USH2A: variants seen among roughly 807,000 people sequenced by gnomAD.
USH2A encodes the protein usherin.
USH2A carries 443 observed loss-of-function variants against 538.9 expected under a neutral mutation model. The ratio of observed to expected loss-of-function variants is 0.82; its 90% CI spans 0.76 to 0.89. The LOEUF is 0.89. Among genes scored for constraint, USH2A ranks in the 40% least tolerant of loss-of-function variants. The pLI, the probability that USH2A is intolerant of heterozygous loss-of-function variation, is 0.00. For missense variants in USH2A, 6,633 were observed against 6,324.8 expected, an observed-to-expected ratio of 1.05 and a Z score of -1.65; for synonymous variants, 2,413 against 2,273.5, an observed-to-expected ratio of 1.06 and a Z score of -1.75.
chr1:216,147,883 C>T (rs1486601025), intron 21 of USH2A, among the ~76,000 whole-genome samples: 54 of 146,586 alleles, frequency 3.7e-4, no homozygotes, highest in African/African-American at 1.1e-3. Context: ...CCTCCTAAGC[C>T]GCGTCCCATC....
chr1:216,084,631 G>T, intron 25 of USH2A, 67 bp downstream of exon 25: 1 of 1,560,448 alleles, frequency 6.4e-7, no homozygotes, highest in Non-Finnish European at 8.8e-7. Flanking sequence ...AAACAGGAGA[G>T]ATTAAATTAT....
At chr1:215,699,231 A>C (rs565096585) in intron 61 of USH2A, among the ~76,000 whole-genome samples, 2 of 152,258 alleles carry the variant, frequency 1.3e-5, no homozygotes, top group South Asian at 4.1e-4. Context: ...GCCTTGTAGT[A>C]TAGTTTGAAG....
Position 215,856,650 on chromosome 1 carries a change from G to T in USH2A, c.8845+10357C>A, listed in dbSNP as rs1428692081. Among the ~76,000 whole-genome samples the T allele has an allele frequency of 2.0e-5, 3 of 152,084 alleles. No individual in the cohort carries two copies. The East Asian group carries it at 5.8e-4, about 29-fold the overall frequency. On this transcript the variant is annotated intron_variant, in intron 44 of 71. Transcript: ENST00000307340. ...AAAAATAGTGTGGAGATTCCTTAAA[G>T]AACTAAAAGTAGATTTACCATTTGA...
At position 216,247,243 on chromosome 1, in the gene USH2A, T is replaced by A; in HGVS notation, c.2168-17A>T. On this transcript the variant is annotated splice_polypyrimidine_tract_variant and intron_variant, in intron 12 of 71. Coordinates refer to ENST00000307340, the MANE Select transcript of USH2A (RefSeq NM_206933.4). ...ACCTAAGCCCTAAAGATAAAATATA[T>A]TTAAAAGGTGAGGATGGGAAAATGA... The A allele has an allele frequency of 6.2e-7, 1 of 1,613,212 alleles. No homozygotes were observed. Among genetic ancestry groups the A allele is most frequent in the Non-Finnish European group, 8.5e-7 (1 of 1,179,626 alleles).
At chr1:215,644,176 T>C (rs763375849) in intron 67 of USH2A, among the ~76,000 whole-genome samples, 5 of 152,150 alleles carry the variant, frequency 3.3e-5, no homozygotes, top group African/African-American at 7.2e-5. Flanking sequence ...ACAACATTGA[T>C]TGGAATCTAA....
At chr1:215,979,740 A>T (rs2102465692) in intron 35 of USH2A, among the ~76,000 whole-genome samples, 1 of 152,222 alleles carries the variant, frequency 6.6e-6, no homozygotes, top group African/African-American at 2.4e-5. Flanking sequence ...TAGGGATGGA[A>T]TGTGTTAGAT....
intron 11 of USH2A, among the ~76,000 whole-genome samples, chr1:216,256,960 C>T (rs1479649133): frequency 1.3e-5 from 2 of 151,716 alleles, no homozygotes; most frequent in Non-Finnish European, 1.5e-5. Context: ...TTCCTTTTCC[C>T]CCTCTTAATT....
Position 215,647,688 on chromosome 1 carries a change from G to A in USH2A, c.14625C>T (p.Ala4875=), listed in dbSNP as rs773859845. Residue 4875 remains alanine (A), a synonymous_variant, in exon 67 of 72, where the codon GCC becomes GCT. Coordinates refer to ENST00000307340, the MANE Select transcript of USH2A (RefSeq NM_206933.4). ...CTATTTGGCTGGGAGTACAGGGGAGGGCTGAGTCAGGAGGGCAAGCCACGT... is the reference window on the plus strand; with the variant it reads ...CTATTTGGCTGGGAGTACAGGGGAGAGCTGAGTCAGGAGGGCAAGCCACGT... The part of the protein sequence containing the change: ...QFHVACPPDS[A]LPCTPSQIET... 3.8e-5 allele frequency: 62 copies of A among 1,614,058 alleles called. No individual in the cohort carries two copies. The highest frequency in any genetic ancestry group is 3.3e-4 in the Middle Eastern group (2 of 6,084).
At position 216,140,648 on chromosome 1, in the gene USH2A, C is replaced by T. The variant is rs543575864; in HGVS notation, c.4627+34604G>A. Reference sequence around the variant, plus strand: ...AAACCTTGCTAAGGCCAGGAAAACCCAGAAACATATTGGTACTATTGATTT... The same window carrying T: ...AAACCTTGCTAAGGCCAGGAAAACCTAGAAACATATTGGTACTATTGATTT... On this transcript the variant is annotated intron_variant, in intron 21 of 71. Coordinates refer to ENST00000307340, the MANE Select transcript of USH2A (RefSeq NM_206933.4). 2.0e-5 allele frequency among the ~76,000 whole-genome samples: 3 copies of T among 152,152 alleles called. No individual in the cohort carries two copies. In the South Asian group the frequency reaches 6.2e-4, roughly 31 times the overall value.
intron 4 of USH2A, among the ~76,000 whole-genome samples, chr1:216,339,276 A>ACT (rs2038031061): frequency 1.3e-5 from 2 of 149,794 alleles, no homozygotes; most frequent in African/African-American, 5.0e-5. Flanking sequence ...ATATATGTGC[A>ACT]TATATATATA....
At chr1:216,056,058 AT>A (rs1304721164) in intron 30 of USH2A, among the ~76,000 whole-genome samples, 11 of 152,164 alleles carry the variant, frequency 7.2e-5, no homozygotes, top group South Asian at 2.1e-4. Context: ...TTAAACAGTG[AT>A]TTTAATTGAC....
At chr1:215,670,847 T>C (rs1657791158) in intron 64 of USH2A, 125 bp downstream of exon 64, 1 of 969,350 alleles carries the variant, frequency 1.0e-6, no homozygotes, top group African/African-American at 1.7e-5. Context: ...TTTTAAGGAA[T>C]ATTATTATTC....
chr1:215,801,960 AC>A (rs767137448), intron 49 of USH2A, among the ~76,000 whole-genome samples: 6 of 152,062 alleles, frequency 3.9e-5, no homozygotes, highest in Non-Finnish European at 8.8e-5. Flanking sequence ...CTAAAAATGA[AC>A]CCTTGCATAT....
At chr1:216,327,689 C>T (rs759258466) in intron 4 of USH2A, 35 bp from the exon 5 acceptor site, 1 of 1,610,670 alleles carries the variant, frequency 6.2e-7, no homozygotes, top group African/African-American at 1.3e-5. Flanking sequence ...TATAAGAAGT[C>T]TCTGTTTACC....
intron 3 of USH2A, among the ~76,000 whole-genome samples, chr1:216,400,232 AT>A (rs1257505077): frequency 2.0e-5 from 3 of 151,008 alleles, no homozygotes; most frequent in Non-Finnish European, 3.0e-5. Context: ...ATATATATAT[AT>A]ATATAAAAGA....
chr1:216,318,888 T>G (rs915119666), intron 9 of USH2A, among the ~76,000 whole-genome samples: 6 of 152,180 alleles, frequency 3.9e-5, no homozygotes, highest in African/African-American at 9.6e-5. Context: ...AATGGCTCTA[T>G]TTTTAAGGGG....
At chr1:216,380,080 T>C (rs945914042) in intron 3 of USH2A, among the ~76,000 whole-genome samples, 1 of 152,172 alleles carries the variant, frequency 6.6e-6, no homozygotes, top group African/African-American at 2.4e-5. Context: ...AATTTAGTTT[T>C]ATTTCACCTT....
chr1:216,190,787 G>A (rs1395015249), intron 19 of USH2A, among the ~76,000 whole-genome samples: 1 of 151,892 alleles, frequency 6.6e-6, no homozygotes, highest in Non-Finnish European at 1.5e-5. Context: ...AGGACAGAAA[G>A]AAATGCCGTT....
At chr1:215,926,593 A>ACACT (rs915521852) in intron 38 of USH2A, among the ~76,000 whole-genome samples, 1 of 138,462 alleles carries the variant, frequency 7.2e-6, no homozygotes, top group Non-Finnish European at 1.5e-5. Context: ...TAAATAGTAG[A>ACACT]CACTTGCTTT....
Sources: allele counts gnomAD v4.1 joint callset (sites outside exome capture counted in the v4.1 genomes callset), GRCh38; gene constraint gnomAD v4.1.1; transcripts MANE v1.5; gene names NCBI Gene and HGNC (gene_info 2026-07-23, HGNC 2026-07-21).